The following TMEM135 variants were observed in gnomAD, a reference collection of about 807,000 sequenced individuals.
TMEM135 encodes transmembrane protein 135, also known as peroxisomal membrane protein 52.
Under a neutral mutation model 60.3 loss-of-function variants are expected in TMEM135, and 30 were observed. That is an observed-to-expected ratio of 0.50 (90% CI 0.37 to 0.68). The LOEUF (loss-of-function observed/expected upper bound fraction) is 0.68, where lower values mean the gene tolerates loss of function less well. TMEM135 is among the 30% of genes least tolerant of loss of function. TMEM135 has a pLI of 0.00. For missense variants in TMEM135, 468 were observed against 548.8 expected, an observed-to-expected ratio of 0.85 and a Z score of 1.47; for synonymous variants, 190 against 186.7, an observed-to-expected ratio of 1.02 and a Z score of -0.14.
chr11:87,253,123 A>AC (rs1274028580), intron 6 of TMEM135, among the ~76,000 whole-genome samples: 1 of 151,588 alleles, frequency 6.6e-6, no homozygotes, highest in Non-Finnish European at 1.5e-5. Context: ...GGTAGAAAAA[A>AC]ATTAGCCTGC....
At chr11:87,170,313 A>G (rs574471988) in intron 5 of TMEM135, among the ~76,000 whole-genome samples, 1 of 131,926 alleles carries the variant, frequency 7.6e-6, no homozygotes, top group Admixed American at 8.3e-5. Context: ...TTCTCTGTCC[A>G]GTTTTGTTTC....
intron 6 of TMEM135, among the ~76,000 whole-genome samples, chr11:87,260,531 A>AT (rs11338743): frequency 5.9e-5 from 9 of 151,314 alleles, no homozygotes; most frequent in East Asian, 3.9e-4. Flanking sequence ...TTTATTATCT[A>AT]TTTTTTTTTG....
At chr11:87,128,630 G>A (rs1937806687) in intron 4 of TMEM135, among the ~76,000 whole-genome samples, 1 of 152,168 alleles carries the variant, frequency 6.6e-6, no homozygotes, top group South Asian at 2.1e-4. Context: ...AAAAATACTA[G>A]TAGGAAATGA....
intron 4 of TMEM135, among the ~76,000 whole-genome samples, chr11:87,098,985 G>C (rs1451846085): frequency 1.3e-5 from 2 of 152,146 alleles, no homozygotes; most frequent in Non-Finnish European, 2.9e-5. Flanking sequence ...ACCGTGCCCA[G>C]CCAAATATCT....
chr11:87,301,897 G>T (rs1942456290), intron 7 of TMEM135, among the ~76,000 whole-genome samples: 1 of 152,168 alleles, frequency 6.6e-6, no homozygotes, highest in South Asian at 2.1e-4. Context: ...GAAATAATAT[G>T]AGGACTTGGG....
chr11:87,098,613 A>G (rs1857384062), intron 4 of TMEM135, among the ~76,000 whole-genome samples: 1 of 152,106 alleles, frequency 6.6e-6, no homozygotes, highest in Non-Finnish European at 1.5e-5. Context: ...AATAAATACT[A>G]CAACCTGAAA....
intron 6 of TMEM135, among the ~76,000 whole-genome samples, chr11:87,290,013 T>TCC (rs34210868): frequency 2.0e-5 from 3 of 151,690 alleles, no homozygotes; most frequent in Non-Finnish European, 4.4e-5. Context: ...TGGATATTAA[T>TCC]CCCCCCTAGG....
chr11:87,081,917 C>A (rs1857000487), intron 3 of TMEM135, among the ~76,000 whole-genome samples: 1 of 152,044 alleles, frequency 6.6e-6, no homozygotes, highest in African/African-American at 2.4e-5. Context: ...AAAAATTGAT[C>A]CTTCCCTTGA....
chr11:87,196,449 A>G (rs1415914835), intron 5 of TMEM135, among the ~76,000 whole-genome samples: 1 of 152,178 alleles, frequency 6.6e-6, no homozygotes, highest in Non-Finnish European at 1.5e-5. Context: ...AAAGTGATCA[A>G]GTTCCAAAAA....
chr11:87,259,869 C>T (rs1941611807), intron 6 of TMEM135, among the ~76,000 whole-genome samples: 1 of 152,098 alleles, frequency 6.6e-6, no homozygotes, highest in Non-Finnish European at 1.5e-5. Flanking sequence ...GGTCTCTTCC[C>T]TTTTTTATTT....
chr11:87,151,252 G>A (rs767558307), intron 4 of TMEM135, among the ~76,000 whole-genome samples: 1 of 151,932 alleles, frequency 6.6e-6, no homozygotes, highest in Non-Finnish European at 1.5e-5. Flanking sequence ...TTGTTTTTCT[G>A]TTTGAATTCC....
intron 5 of TMEM135, among the ~76,000 whole-genome samples, chr11:87,190,599 T>C (rs1186435917): frequency 6.6e-6 from 1 of 152,010 alleles, no homozygotes; most frequent in Non-Finnish European, 1.5e-5. Context: ...CTAGGTAAAC[T>C]ATTTGTCATT....
chr11:87,191,463 G>A (rs1174818475), intron 5 of TMEM135, among the ~76,000 whole-genome samples: 3 of 151,980 alleles, frequency 2.0e-5, no homozygotes. Context: ...GGATGGTTTC[G>A]ATCTCTTGAC....
At chr11:87,179,948 TG>T (rs1939473210) in intron 5 of TMEM135, among the ~76,000 whole-genome samples, 1 of 152,074 alleles carries the variant, frequency 6.6e-6, no homozygotes, top group African/African-American at 2.4e-5. Context: ...CTGTTGTTGT[TG>T]TTGTTGTTTT....
At chr11:87,154,768 A>G (rs758040263) in intron 4 of TMEM135, among the ~76,000 whole-genome samples, 6 of 73,296 alleles carry the variant, frequency 8.2e-5, no homozygotes, top group African/African-American at 1.6e-4. Flanking sequence ...GGCTATTTGT[A>G]TATGTTCTTT....
intron 6 of TMEM135, among the ~76,000 whole-genome samples, chr11:87,289,506 T>C (rs1942229167): frequency 1.4e-5 from 2 of 138,500 alleles, no homozygotes; most frequent in African/African-American, 5.6e-5. Flanking sequence ...TGGAGTGCAG[T>C]GGTGCAGTGG....
At chr11:87,102,716 A>ATG (rs1857488115) in intron 4 of TMEM135, among the ~76,000 whole-genome samples, 3 of 78,704 alleles carry the variant, frequency 3.8e-5, no homozygotes, top group South Asian at 3.3e-4. Context: ...ATATATATGT[A>ATG]TATATATATA....
At chr11:87,106,165 G>A (rs374445049) in intron 4 of TMEM135, among the ~76,000 whole-genome samples, 4 of 151,780 alleles carry the variant, frequency 2.6e-5, no homozygotes, top group African/African-American at 7.3e-5. Context: ...GTGCAGTGGG[G>A]TGATCTCGGC....
chr11:87,148,104 T>C (rs1397711415), intron 4 of TMEM135, among the ~76,000 whole-genome samples: 1 of 152,226 alleles, frequency 6.6e-6, no homozygotes, highest in Non-Finnish European at 1.5e-5. Context: ...TTTCCCTCTG[T>C]CACTGACATA....
Sources: allele counts gnomAD v4.1 joint callset (sites outside exome capture counted in the v4.1 genomes callset), GRCh38; gene constraint gnomAD v4.1.1; transcripts MANE v1.5; gene names NCBI Gene and HGNC (gene_info 2026-07-23, HGNC 2026-07-21).